The following THSD7A variants were observed in gnomAD, a reference collection of about 807,000 sequenced individuals.
The protein encoded by THSD7A is thrombospondin type 1 domain containing 7A, also known as thrombospondin type-1 domain-containing protein 7A.
In THSD7A, 96 loss-of-function variants were observed where a neutral mutation model predicts 231.3. The observed-to-expected ratio is 0.41, with a 90% CI of 0.35 to 0.49. THSD7A has a LOEUF of 0.49. Among genes scored for constraint, THSD7A ranks in the 20% least tolerant of loss-of-function variants. The pLI, the probability that THSD7A is intolerant of heterozygous loss-of-function variation, is 0.05. For missense variants in THSD7A, 2,290 were observed against 2,070.2 expected, an observed-to-expected ratio of 1.11 and a Z score of -2.06; for synonymous variants, 940 against 743.3, an observed-to-expected ratio of 1.26 and a Z score of -4.30.
chr7:11,488,226 T>C (rs191721307), intron 6 of THSD7A, among the ~76,000 whole-genome samples: 106 of 152,272 alleles, frequency 7.0e-4, no homozygotes, highest in African/African-American at 2.3e-3. Context: ...TTTTGTGTTC[T>C]TCAGAAATTA....
chr7:11,813,570 G>A (rs1193605440), intron 1 of THSD7A, among the ~76,000 whole-genome samples: 1 of 151,858 alleles, frequency 6.6e-6, no homozygotes, highest in Non-Finnish European at 1.5e-5. Flanking sequence ...AAAATTAACT[G>A]GGCATGGTGG....
At chr7:11,440,134 T>C (rs1784757370) in intron 13 of THSD7A, among the ~76,000 whole-genome samples, 1 of 152,004 alleles carries the variant, frequency 6.6e-6, no homozygotes, top group Non-Finnish European at 1.5e-5. Flanking sequence ...CTGCTTGTGC[T>C]CAATAATGAA....
At chr7:11,396,682 G>GC (rs1259753477) in intron 23 of THSD7A, among the ~76,000 whole-genome samples, 3 of 152,136 alleles carry the variant, frequency 2.0e-5, no homozygotes, top group Non-Finnish European at 4.4e-5. Context: ...CAGATCCACA[G>GC]CCACATTCTA....
intron 15 of THSD7A, 109 bp downstream of exon 15, chr7:11,426,557 C>T: frequency 8.5e-7 from 1 of 1,183,366 alleles, no homozygotes; most frequent in Non-Finnish European, 1.2e-6. Flanking sequence ...GACATTTTCT[C>T]CCTGTAAAAC....
intron 1 of THSD7A, among the ~76,000 whole-genome samples, chr7:11,769,260 G>A (rs1402898656): frequency 2.7e-5 from 4 of 148,550 alleles, no homozygotes; most frequent in Non-Finnish European, 4.5e-5. Context: ...GCCTCCCAAA[G>A]TGCTGGGATT....
intron 1 of THSD7A, among the ~76,000 whole-genome samples, chr7:11,708,144 C>G (rs946070724): frequency 2.0e-5 from 3 of 150,570 alleles, no homozygotes; most frequent in African/African-American, 7.3e-5. Context: ...TTAAAGCTAG[C>G]TAAGCAAATA....
At chr7:11,820,669 A>G (rs1376207379) in intron 1 of THSD7A, 8 of 826,236 alleles carry the variant, frequency 9.7e-6, no homozygotes, top group Non-Finnish European at 1.7e-5. Flanking sequence ...TTGGACCCAC[A>G]AAGACTTTAG....
intron 1 of THSD7A, among the ~76,000 whole-genome samples, chr7:11,763,533 T>G (rs1782931680): frequency 6.6e-6 from 1 of 152,192 alleles, no homozygotes; most frequent in South Asian, 2.1e-4. Context: ...TAGATATATC[T>G]GTGTATATGT....
intron 6 of THSD7A, among the ~76,000 whole-genome samples, chr7:11,524,712 A>G (rs10230940): frequency 0.26 from 39,076 of 151,910 alleles, 6,210 homozygotes; most frequent in African/African-American, 0.45. Context: ...GGACAGTCAA[A>G]CCAGAATAAT....
chr7:11,633,712 T>C (rs889524794), intron 2 of THSD7A, among the ~76,000 whole-genome samples: 8 of 152,222 alleles, frequency 5.3e-5, no homozygotes, highest in African/African-American at 1.9e-4. Flanking sequence ...TTTTTCATTC[T>C]TATTGATTTT....
intron 2 of THSD7A, among the ~76,000 whole-genome samples, chr7:11,599,113 A>G (rs1414261011): frequency 6.6e-6 from 1 of 152,188 alleles, no homozygotes; most frequent in African/African-American, 2.4e-5. Context: ...ATTAAGGTCA[A>G]TAGGAAGGAA....
chr7:11,804,219 A>C (rs4292587), intron 1 of THSD7A, among the ~76,000 whole-genome samples: 97,549 of 151,798 alleles, frequency 0.64, 31,510 homozygotes, highest in Middle Eastern at 0.73. Flanking sequence ...ATGAGGATTT[A>C]AAATAAATGT....
chr7:11,509,639 T>C (rs2128312925), intron 6 of THSD7A, among the ~76,000 whole-genome samples: 1 of 150,458 alleles, frequency 6.6e-6, no homozygotes, highest in South Asian at 2.1e-4. Context: ...GAGACCACGG[T>C]GAAACCCCGT....
intron 1 of THSD7A, among the ~76,000 whole-genome samples, chr7:11,720,250 C>A (rs1363896716): frequency 6.6e-6 from 1 of 151,786 alleles, no homozygotes; most frequent in East Asian, 2.0e-4. Flanking sequence ...ACCTCCTGAA[C>A]TTTATCCTCA....
intron 1 of THSD7A, among the ~76,000 whole-genome samples, chr7:11,663,094 T>C (rs1424493260): frequency 6.6e-6 from 1 of 151,188 alleles, no homozygotes; most frequent in African/African-American, 2.4e-5. Context: ...AAATCAAATA[T>C]ACAACAAAGT....
chr7:11,620,328 T>C (rs1006086183), intron 2 of THSD7A, among the ~76,000 whole-genome samples: 42 of 152,308 alleles, frequency 2.8e-4, no homozygotes, highest in Admixed American at 2.2e-3. Context: ...CTGATACACC[T>C]GTGGCATTGC....
intron 1 of THSD7A, among the ~76,000 whole-genome samples, chr7:11,721,130 A>G (rs368868614): frequency 1.3e-4 from 19 of 151,982 alleles, no homozygotes; most frequent in African/African-American, 4.1e-4. Flanking sequence ...TGTAATTGAC[A>G]AGCACAAAAT....
intron 4 of THSD7A, among the ~76,000 whole-genome samples, chr7:11,544,836 C>T (rs1789310884): frequency 6.7e-6 from 1 of 149,914 alleles, no homozygotes; most frequent in Non-Finnish European, 1.5e-5. Flanking sequence ...CCCACACTCG[C>T]CACTACAGTG....
chr7:11,651,299 G>A lies in THSD7A; in HGVS notation c.191-14338C>T, dbSNP rs560872299. 5.9e-5 allele frequency among the ~76,000 whole-genome samples: 9 copies of A among 152,094 alleles called. No homozygotes were observed. The South Asian group carries it at 1.9e-3, about 32-fold the overall frequency. On this transcript the variant is annotated intron_variant, in intron 1 of 27. Coordinates refer to ENST00000423059, the MANE Select transcript of THSD7A (RefSeq NM_015204.3). The stretch of plus-strand genomic sequence containing the variant: ...GATAGGTGAAGAAGGATATGGGAAA[G>A]TATTGGTTGATGAGTGCAGAGTTCC...
Sources: gnomAD v4.1 joint callset for allele counts (sites outside exome capture counted in the v4.1 genomes callset) on GRCh38, gnomAD v4.1.1 for gene constraint, MANE v1.5 for transcripts, NCBI Gene and HGNC (gene_info 2026-07-23, HGNC 2026-07-21) for gene names.